GLIS1: variants seen among roughly 807,000 people sequenced by gnomAD.
GLIS1 encodes GLIS family zinc finger 1.
In GLIS1, 24 loss-of-function variants were observed where a neutral mutation model predicts 63.8. That is an observed-to-expected ratio of 0.38 (90% confidence interval 0.27 to 0.53). The LOEUF (loss-of-function observed/expected upper bound fraction) is 0.53. GLIS1 is among the 20% of genes least tolerant of loss of function. The pLI is 0.85. For synonymous variants in GLIS1, 450 were observed against 482.5 expected, an observed-to-expected ratio of 0.93 and a Z score of 0.88; for missense variants, 1,036 against 1,074.1, an observed-to-expected ratio of 0.96 and a Z score of 0.50.
rs1646498138 is a variant in GLIS1, at chr1:53,699,143, CATTCTCCGCTTCCCAGATTCAAGCA to C, written c.259+38638_259+38662del. 5.3e-5 allele frequency among the ~76,000 whole-genome samples: 8 copies of C among 151,998 alleles called. No homozygotes were observed. In the South Asian group the frequency reaches 1.7e-3, roughly 32 times the overall value. ...GCAGTGGCATGATCTCGGCTCACTG[CATTCTCCGCTTCCCAGATTCAAGCA>C]ATTCTCCTGCCCTGGCCTCCTGAGT... On this transcript the variant is annotated intron_variant, in intron 2 of 10. Transcript: ENST00000628545.
intron 2 of GLIS1, among the ~76,000 whole-genome samples, chr1:53,689,492 G>C (rs1055740913): frequency 1.3e-5 from 2 of 152,124 alleles, no homozygotes; most frequent in African/African-American, 4.8e-5. Context: ...CCTGAGCTGA[G>C]AGCCGGCCAG....
chr1:53,683,779 A>C (rs1352383430), intron 2 of GLIS1, among the ~76,000 whole-genome samples: 1 of 152,106 alleles, frequency 6.6e-6, no homozygotes, highest in Non-Finnish European at 1.5e-5. Flanking sequence ...CTGTCAAGAG[A>C]GACCCTCAAG....
intron 4 of GLIS1, among the ~76,000 whole-genome samples, chr1:53,545,469 T>C (rs6682171): frequency 0.82 from 124,628 of 152,210 alleles, 51,666 homozygotes; most frequent in Middle Eastern, 0.9. Context: ...CAGCTAACTG[T>C]TCATAGCCAG....
chr1:53,663,182 A>G (rs537972308), intron 2 of GLIS1, among the ~76,000 whole-genome samples: 1 of 152,162 alleles, frequency 6.6e-6, no homozygotes, highest in Non-Finnish European at 1.5e-5. Context: ...GTGTGGCCCC[A>G]GCCCCATCTG....
intron 2 of GLIS1, among the ~76,000 whole-genome samples, chr1:53,641,522 A>G (rs556282311): frequency 6.6e-6 from 1 of 152,246 alleles, no homozygotes; most frequent in East Asian, 1.9e-4. Flanking sequence ...TGACTGTGTG[A>G]CCTTGAAGAA....
chr1:53,687,582 G>A lies in GLIS1; in HGVS notation c.259+50224C>T, dbSNP rs565840297. Among the ~76,000 whole-genome samples the A allele has an allele frequency of 2.4e-3, 368 of 152,218 alleles. 1 individual carries two copies. The highest frequency in any genetic ancestry group is 7.6e-3 in the African/African-American group (314 of 41,548). On this transcript the variant is annotated intron_variant, in intron 2 of 10. Transcript: ENST00000628545. ...CCCCTGCTGTCGGGTGGTTCTGTGCGTTCTCTTCCCCAAACCACAAGGTCT... is the reference window on the plus strand; with the variant it reads ...CCCCTGCTGTCGGGTGGTTCTGTGCATTCTCTTCCCCAAACCACAAGGTCT...
intron 4 of GLIS1, among the ~76,000 whole-genome samples, chr1:53,549,503 G>C (rs1050622202): frequency 6.6e-6 from 1 of 152,176 alleles, no homozygotes; most frequent in Non-Finnish European, 1.5e-5. Flanking sequence ...TTGTGGTTCC[G>C]ATTTGCATTT....
chr1:53,725,839 C>T (rs555595913), intron 2 of GLIS1, among the ~76,000 whole-genome samples: 166 of 152,324 alleles, frequency 1.1e-3, no homozygotes, highest in Non-Finnish European at 1.2e-3. Context: ...GGAACTGAGT[C>T]TCAAAAATTG....
chr1:53,702,094 C>G (rs1031749852), intron 2 of GLIS1, among the ~76,000 whole-genome samples: 2 of 151,916 alleles, frequency 1.3e-5, no homozygotes, highest in African/African-American at 2.4e-5. Context: ...GGAAGGCAGG[C>G]AGGCTTCCCG....
intron 4 of GLIS1, among the ~76,000 whole-genome samples, chr1:53,561,218 T>G (rs522441): frequency 0.3 from 45,529 of 152,038 alleles, 7,464 homozygotes; most frequent in African/African-American, 0.43. Flanking sequence ...ACACGGTAAG[T>G]GGGAGAGCTC....
chr1:53,553,677 C>T (rs1034636192), intron 4 of GLIS1, among the ~76,000 whole-genome samples: 2 of 152,132 alleles, frequency 1.3e-5, no homozygotes, highest in Admixed American at 6.5e-5. Flanking sequence ...TGCAGGTGGT[C>T]AGGGAAGGCC....
At chr1:53,678,966 G>A (rs1646244927) in intron 2 of GLIS1, among the ~76,000 whole-genome samples, 1 of 152,182 alleles carries the variant, frequency 6.6e-6, no homozygotes, top group African/African-American at 2.4e-5. Context: ...CCTAAAACCA[G>A]CCCCTGGCTG....
intron 2 of GLIS1, among the ~76,000 whole-genome samples, chr1:53,700,982 T>C (rs934983473): frequency 2.0e-5 from 3 of 152,244 alleles, no homozygotes; most frequent in Non-Finnish European, 4.4e-5. Flanking sequence ...TAATATTCCA[T>C]TGCACAGATA....
At chr1:53,529,454 G>A (rs1012548365) in intron 5 of GLIS1, among the ~76,000 whole-genome samples, 6 of 152,194 alleles carry the variant, frequency 3.9e-5, no homozygotes, top group Admixed American at 1.3e-4. Context: ...GGCTGTGCAC[G>A]GCTCTGGTGC....
intron 2 of GLIS1, among the ~76,000 whole-genome samples, chr1:53,656,224 G>A (rs1434690267): frequency 6.6e-6 from 1 of 152,170 alleles, no homozygotes; most frequent in Non-Finnish European, 1.5e-5. Context: ...GAGGCAGAAG[G>A]GGAGTTGCGG....
At chr1:53,703,062 T>C (rs1570075570) in intron 2 of GLIS1, among the ~76,000 whole-genome samples, 1 of 152,320 alleles carries the variant, frequency 6.6e-6, no homozygotes, top group South Asian at 2.1e-4. Flanking sequence ...GGCAAGTGGC[T>C]TCAGCTCCTT....
At chr1:53,523,974 C>T (rs1206695508) in intron 6 of GLIS1, among the ~76,000 whole-genome samples, 1 of 152,214 alleles carries the variant, frequency 6.6e-6, no homozygotes, top group Admixed American at 6.5e-5. Context: ...CTCTGGGGAG[C>T]GTTCTTCTGA....
intron 2 of GLIS1, among the ~76,000 whole-genome samples, chr1:53,658,753 G>A (rs554698175): frequency 8.5e-5 from 13 of 152,260 alleles, no homozygotes; most frequent in African/African-American, 3.1e-4. Flanking sequence ...CTGCATCCAT[G>A]GTGCACAGCA....
At chr1:53,619,692 C>T (rs1249163834) in intron 2 of GLIS1, among the ~76,000 whole-genome samples, 3 of 152,208 alleles carry the variant, frequency 2.0e-5, no homozygotes, top group African/African-American at 2.4e-5. Flanking sequence ...ATACTCAACC[C>T]GCCAGGCGGC....
Sources: allele counts gnomAD v4.1 joint callset (sites outside exome capture counted in the v4.1 genomes callset), GRCh38; gene constraint gnomAD v4.1.1; transcripts MANE v1.5; gene names NCBI Gene and HGNC (gene_info 2026-07-23, HGNC 2026-07-21).